P2RX7: variants seen among roughly 807,000 people sequenced by gnomAD.
P2RX7 encodes purinergic receptor P2X 7.
Under a neutral mutation model 71.6 loss-of-function variants are expected in P2RX7, and 62 were observed. The observed-to-expected ratio is 0.87, with a 90% CI of 0.71 to 1.07. The LOEUF (loss-of-function observed/expected upper bound fraction) is 1.07. P2RX7 is among the 50% of genes least tolerant of loss of function. The pLI, the probability that P2RX7 is intolerant of heterozygous loss-of-function variation, is 0.00. For missense variants in P2RX7, 686 were observed against 748.5 expected, an observed-to-expected ratio of 0.92 and a Z score of 0.97; for synonymous variants, 299 against 283.3, an observed-to-expected ratio of 1.06 and a Z score of -0.56.
In P2RX7 at chr12:121,160,981, T is replaced by A. The variant is rs1317340920; in HGVS notation, c.436+7T>A. ...ATGGACCCGCAGAGCAAAGGTACCT[T>A]CTGTTTCTTTTCCCGAGACCCTAGG... is the stretch of plus-strand genomic sequence containing the variant. On this transcript the variant is annotated splice_region_variant and intron_variant, in intron 4 of 12. Coordinates refer to ENST00000328963, the MANE Select transcript of P2RX7 (RefSeq NM_002562.6). 7 of 1,610,672 alleles carry A rather than the reference T, an allele frequency of 4.3e-6. No individual in the cohort carries two copies. Among genetic ancestry groups the A allele is most frequent in the Non-Finnish European group, 5.1e-6 (6 of 1,176,974 alleles).
chr12:121,158,683 T>A (rs1440551563), intron 3 of P2RX7, among the ~76,000 whole-genome samples: 1 of 152,226 alleles, frequency 6.6e-6, no homozygotes, highest in Non-Finnish European at 1.5e-5. Context: ...CTTTAATCCA[T>A]GCAACAATCA....
At chr12:121,143,614 C>G (rs1443398468) in intron 1 of P2RX7, among the ~76,000 whole-genome samples, 1 of 151,662 alleles carries the variant, frequency 6.6e-6, no homozygotes, top group Non-Finnish European at 1.5e-5. Flanking sequence ...CTCTGGGAGA[C>G]TGAGGTGGGT....
rs574247079 is a variant in P2RX7 at position 121,177,556 on chromosome 12, C to T, written c.1188+110C>T. 1.6e-4 allele frequency: 173 copies of T among 1,071,022 alleles called. No homozygotes were observed. The African/African-American group carries it at 2.2e-3, about 14-fold the overall frequency. 66.3% of individuals were successfully genotyped at this position (1,071,022 alleles called of 1,614,324 possible). The stretch of plus-strand genomic sequence containing the variant: ...CACAGGCTTCATCCTGTAGTGGATA[C>T]GTCGCTGGGTTCTACCCCGATCAAC... On this transcript the variant is annotated intron_variant, in intron 11 of 12. Coordinates refer to ENST00000328963, the MANE Select transcript of P2RX7 (RefSeq NM_002562.6).
chr12:121,176,228 A>AACACACACACACACACAC (rs56222751), intron 9 of P2RX7, among the ~76,000 whole-genome samples: 175 of 140,836 alleles, frequency 1.2e-3, no homozygotes, highest in South Asian at 3.8e-3. Flanking sequence ...CAGCCCCTTC[A>AACACACACACACACACAC]ACACACACAC....
At position 121,186,732 on chromosome 12, in the gene P2RX7, T is replaced by TGGCGGTGGGCGC. The variant is rs1884929188; in HGVS notation, c.*1931_*1942dup. ...TAAGAATACAAAAATTAGGTGGGTG[T>TGGCGGTGGGCGC]GGCGGTGGGCGCCTGTAATCCCAGC... On this transcript the variant is annotated 3_prime_UTR_variant, in exon 13 of 13. Coordinates refer to ENST00000328963, the MANE Select transcript of P2RX7 (RefSeq NM_002562.6). 6.6e-6 allele frequency: 1 copy of TGGCGGTGGGCGC among 152,122 alleles called. No individual in the cohort carries two copies. The highest frequency in any genetic ancestry group is 1.5e-5 in the Non-Finnish European group (1 of 68,078). The allele number at this position is 152,122 out of a possible 1,614,324, so 9.4% of individuals were successfully genotyped here.
Position 121,163,335 on chromosome 12 carries a change from CA to C in P2RX7, c.533+816del, listed in dbSNP as rs991684224. ...CCCATGCATGCCTGGCTTACACACA[CA>C]CACACACACACACACACACACGCAC... On this transcript the variant is annotated intron_variant, in intron 5 of 12. Coordinates refer to ENST00000328963, the MANE Select transcript of P2RX7 (RefSeq NM_002562.6). 6.9e-3 allele frequency among the ~76,000 whole-genome samples: 859 copies of C among 124,318 alleles called. 8 individuals are homozygous for C. The highest frequency in any genetic ancestry group is 0.026 in the African/African-American group (799 of 31,324). 81.6% of individuals were successfully genotyped at this position (124,318 alleles called of 152,430 possible).
chr12:121,137,801 C>T lies in P2RX7; in HGVS notation c.125+4706C>T, dbSNP rs73403825. Among the ~76,000 whole-genome samples the T allele has an allele frequency of 8.5e-3, 1,292 of 152,294 alleles. 18 individuals carry two copies. The highest frequency in any genetic ancestry group is 0.029 in the African/African-American group (1,192 of 41,542). On this transcript the variant is annotated intron_variant, in intron 1 of 12. Transcript: ENST00000328963. ...GACCACAGGTGGAAATCCAGACAGG[C>T]TCGAGCAATGTTCAGGATACAGCAG...
rs529755186 is a variant in P2RX7, at chr12:121,171,918, G to T, written c.882-3470G>T. On this transcript the variant is annotated intron_variant, in intron 8 of 12. Coordinates refer to ENST00000328963, the MANE Select transcript of P2RX7 (RefSeq NM_002562.6). The stretch of plus-strand genomic sequence containing the variant: ...GCTCTGTCCCCCAGGCTGGAGTGCA[G>T]TGGCGTGATCTCGGCTCACTGCAAG... Among the ~76,000 whole-genome samples the T allele has an allele frequency of 2.0e-5, 3 of 146,724 alleles. No homozygotes were observed. The East Asian group carries it at 6.1e-4, about 30-fold the overall frequency.
intron 4 of P2RX7, chr12:121,162,174 A>G: frequency 8.2e-7 from 1 of 1,217,948 alleles, no homozygotes; most frequent in Non-Finnish European, 1.0e-6. Flanking sequence ...TCTTATAAAG[A>G]AACAAAAGAG....
rs370714038 is a variant in P2RX7, at chr12:121,160,863, C to T, written c.364-39C>T. 75 of 1,445,348 alleles carry T rather than the reference C, an allele frequency of 5.2e-5. No individual in the cohort carries two copies. In the African/African-American group the frequency reaches 7.3e-4, roughly 14 times the overall value. The allele number at this position is 1,445,348 out of a possible 1,614,324, so 89.5% of individuals were successfully genotyped here. A position where few individuals can be genotyped will look rare whatever the true frequency, so the allele number is the denominator to read the frequency against. ...CACTTCTCCACGTCTTAGTAACACA[C>T]GTCACTTACTCCCCACTCTGTCATC... On this transcript the variant is annotated intron_variant, in intron 3 of 12. Coordinates refer to ENST00000328963, the MANE Select transcript of P2RX7 (RefSeq NM_002562.6).
intron 8 of P2RX7, among the ~76,000 whole-genome samples, chr12:121,174,623 T>C (rs1174122734): frequency 6.6e-6 from 1 of 152,214 alleles, no homozygotes; most frequent in Non-Finnish European, 1.5e-5. Flanking sequence ...TACAGTTTGC[T>C]GAGGTGTGCC....
chr12:121,177,557 G>A (rs1252187359), intron 11 of P2RX7, 111 bp downstream of exon 11: 24 of 1,061,092 alleles, frequency 2.3e-5, no homozygotes, highest in South Asian at 5.5e-5. Flanking sequence ...TAGTGGATAC[G>A]TCGCTGGGTT....
chr12:121,171,641 T>C (rs1363430004), intron 8 of P2RX7, among the ~76,000 whole-genome samples: 1 of 152,074 alleles, frequency 6.6e-6, no homozygotes, highest in Admixed American at 6.6e-5. Flanking sequence ...CATATCTTAT[T>C]TGGGGGCTCA....
chr12:121,175,310 CA>C (rs370710698), intron 8 of P2RX7, 77 bp from the exon 9 acceptor site: 51,698 of 460,438 alleles, frequency 0.11, 6 homozygotes, highest in Middle Eastern at 0.22. Flanking sequence ...GACCCTGTCT[CA>C]AAAAAAAAAA....
At chr12:121,165,914 G>A (rs1880910020) in intron 6 of P2RX7, 144 bp from the exon 7 acceptor site, 1 of 756,460 alleles carries the variant, frequency 1.3e-6, no homozygotes, top group East Asian at 2.7e-5. Flanking sequence ...AGTGTGAGAG[G>A]CCACTGCCCA....
At chr12:121,180,322 A>G (rs767067466) in intron 11 of P2RX7, 32 bp from the exon 12 acceptor site, 1 of 1,310,312 alleles carries the variant, frequency 7.6e-7, no homozygotes, top group South Asian at 1.3e-5. Context: ...TCTGTACAAA[A>G]ATGGGTAAAC....
intron 8 of P2RX7, among the ~76,000 whole-genome samples, chr12:121,172,018 C>T (rs374652502): frequency 1.3e-5 from 2 of 152,080 alleles, no homozygotes; most frequent in South Asian, 2.1e-4. Context: ...CCCGCCACCA[C>T]ACCCGGCTAA....
At chr12:121,158,613 A>T (rs1431111300) in intron 3 of P2RX7, among the ~76,000 whole-genome samples, 1 of 152,236 alleles carries the variant, frequency 6.6e-6, no homozygotes, top group Non-Finnish European at 1.5e-5. Context: ...GCTCAGCTTC[A>T]GAAAGTAGGG....
chr12:121,176,353 C>A (rs974237231), intron 9 of P2RX7, among the ~76,000 whole-genome samples: 1 of 152,012 alleles, frequency 6.6e-6, no homozygotes, highest in African/African-American at 2.4e-5. Context: ...TCAACATATC[C>A]CACGACATCC....
Sources: allele counts gnomAD v4.1 joint callset (sites outside exome capture counted in the v4.1 genomes callset), GRCh38; gene constraint gnomAD v4.1.1; transcripts MANE v1.5; gene names NCBI Gene and HGNC (gene_info 2026-07-23, HGNC 2026-07-21).